Variants in ZNF704 observed in about 807,000 individuals in gnomAD.
ZNF704 encodes the protein glucocorticoid induced gene 1.
Under a neutral mutation model 44.7 loss-of-function variants are expected in ZNF704, and 10 were observed. The ratio of observed to expected loss-of-function variants is 0.22; its 90% CI spans 0.14 to 0.38. The LOEUF is 0.38. ZNF704 is among the 10% of genes least tolerant of loss of function. ZNF704 has a pLI of 1.00. For missense variants in ZNF704, 390 were observed against 545.5 expected, an observed-to-expected ratio of 0.71 and a Z score of 2.84; for synonymous variants, 211 against 207.6, an observed-to-expected ratio of 1.02 and a Z score of -0.14.
At chr8:80,713,118 A>G (rs1426011070) in intron 2 of ZNF704, among the ~76,000 whole-genome samples, 1 of 152,118 alleles carries the variant, frequency 6.6e-6, no homozygotes, top group African/African-American at 2.4e-5. Flanking sequence ...GCTGGTCTCC[A>G]ACTCCTGATC....
Position 80,641,065 on chromosome 8 carries a change from A to C in ZNF704, c.*301T>G, listed in dbSNP as rs1282903954. The stretch of plus-strand genomic sequence containing the variant: ...TGGGCTTTGTTGGTTCAATTGCTAC[A>C]GAAGTCCACAGTTTTAAGTCTAGAC... On this transcript the variant is annotated 3_prime_UTR_variant, in exon 9 of 9. Coordinates refer to ENST00000327835, the MANE Select transcript of ZNF704 (RefSeq NM_001033723.3). The C allele has an allele frequency of 5.0e-6, 1 of 201,318 alleles. No homozygotes were observed. The highest frequency in any genetic ancestry group is 1.0e-5 in the Non-Finnish European group (1 of 100,378). The allele number at this position is 201,318 out of a possible 1,614,324, so 12.5% of individuals were successfully genotyped here.
intron 2 of ZNF704, among the ~76,000 whole-genome samples, chr8:80,739,238 G>A (rs189347925): frequency 3.3e-5 from 5 of 152,282 alleles, no homozygotes; most frequent in African/African-American, 9.6e-5. Context: ...GGAGAACCAC[G>A]ATAGTCTTTC....
At chr8:80,686,318 A>G (rs1230124713) in intron 4 of ZNF704, among the ~76,000 whole-genome samples, 2 of 152,222 alleles carry the variant, frequency 1.3e-5, no homozygotes, top group African/African-American at 4.8e-5. Context: ...GGGAGGATTA[A>G]ACAAATGTGT....
chr8:80,707,663 T>C lies in ZNF704; in HGVS notation c.222-14556A>G, dbSNP rs113218940. Among the ~76,000 whole-genome samples, 289 of 152,346 alleles carry C rather than the reference T, an allele frequency of 1.9e-3. 1 individual carries two copies. The highest frequency in any genetic ancestry group is 6.7e-3 in the African/African-American group (278 of 41,576). ...GATATTTGTGCTAATTCAAATACTA[T>C]TTATCTTTTGTTTCACAGGTCAGAA... On this transcript the variant is annotated intron_variant, in intron 2 of 8. Coordinates refer to ENST00000327835, the MANE Select transcript of ZNF704 (RefSeq NM_001033723.3).
At position 80,629,331 on chromosome 8, in the gene ZNF704, T is replaced by C. The variant is rs1013281520; in HGVS notation, c.*12035A>G. 6.6e-6 allele frequency: 1 copy of C among 152,158 alleles called. No individual in the cohort carries two copies. The highest frequency in any genetic ancestry group is 6.5e-5 in the Admixed American group (1 of 15,274). The allele number at this position is 152,158 out of a possible 1,614,324, so 9.4% of individuals were successfully genotyped here. The stretch of plus-strand genomic sequence containing the variant: ...CTAAAAATCATATAAAAAGACACAA[T>C]GCCCCTTCCCCAATAACTTCTAATT... On this transcript the variant is annotated 3_prime_UTR_variant, in exon 9 of 9. Transcript: ENST00000327835.
At chr8:80,649,734 G>C (rs1817886192) in intron 7 of ZNF704, among the ~76,000 whole-genome samples, 3 of 152,222 alleles carry the variant, frequency 2.0e-5, no homozygotes, top group African/African-American at 7.2e-5. Context: ...TCCACCTCTG[G>C]GGGCAGGGCA....
At chr8:80,854,179 C>T (rs1808919465) in intron 1 of ZNF704, among the ~76,000 whole-genome samples, 1 of 152,154 alleles carries the variant, frequency 6.6e-6, no homozygotes, top group Admixed American at 6.5e-5. Context: ...ACTGTAAAAA[C>T]ACAAGACATA....
intron 1 of ZNF704, among the ~76,000 whole-genome samples, chr8:80,847,295 AAAATTAC>A (rs1172482034): frequency 6.6e-6 from 1 of 152,246 alleles, no homozygotes. Flanking sequence ...CTACATCCTG[AAAATTAC>A]AAATTGTTGG....
At chr8:80,879,612 G>T (rs1809400130), upstream of ZNF704, among the ~76,000 whole-genome samples, 1 of 152,066 alleles carries the variant, frequency 6.6e-6, no homozygotes, top group East Asian at 1.9e-4. Flanking sequence ...AATTTCATGA[G>T]CCTTCCCTGC....
chr8:80,785,353 G>C (rs1807596696), intron 2 of ZNF704, among the ~76,000 whole-genome samples: 1 of 152,092 alleles, frequency 6.6e-6, no homozygotes, highest in Non-Finnish European at 1.5e-5. Context: ...TTTCTCCACT[G>C]TATTTACTCT....
intron 4 of ZNF704, 33 bp downstream of exon 4, chr8:80,687,193 T>G: frequency 1.1e-5 from 18 of 1,585,092 alleles, no homozygotes; most frequent in Non-Finnish European, 1.6e-5. Context: ...TTCAGGAAAC[T>G]GAATGCAGAA....
chr8:80,788,514 G>A (rs1807651442), intron 2 of ZNF704, among the ~76,000 whole-genome samples: 1 of 152,206 alleles, frequency 6.6e-6, no homozygotes, highest in African/African-American at 2.4e-5. Context: ...GGAAGGCATA[G>A]GGGTAGAATT....
chr8:80,646,832 G>C (rs1317222927), intron 7 of ZNF704, among the ~76,000 whole-genome samples: 1 of 152,036 alleles, frequency 6.6e-6, no homozygotes, highest in Admixed American at 6.6e-5. Flanking sequence ...TAAATTATCA[G>C]GAAAATAAAC....
At chr8:80,760,674 A>C (rs975462806) in intron 2 of ZNF704, among the ~76,000 whole-genome samples, 6 of 147,486 alleles carry the variant, frequency 4.1e-5, no homozygotes, top group African/African-American at 1.3e-4. Context: ...AAAAAAAAAA[A>C]CCAAAAAACA....
chr8:80,643,463 G>A (rs1327358795), intron 7 of ZNF704, among the ~76,000 whole-genome samples: 1 of 144,448 alleles, frequency 6.9e-6, no homozygotes, highest in Non-Finnish European at 1.5e-5. Context: ...GTTGCAGTGA[G>A]CTGAGATTGT....
In ZNF704 at chr8:80,632,440, C is replaced by T. The variant is rs1159868817; in HGVS notation, c.*8926G>A. On this transcript the variant is annotated 3_prime_UTR_variant, in exon 9 of 9. Transcript: ENST00000327835. ...TACTGACCTCAAGTGATCCATCTGC[C>T]TTGGACTCCCAAAGTGCTGGGATTA... 6.6e-6 allele frequency: 1 copy of T among 152,214 alleles called. No individual in the cohort carries two copies. The highest frequency in any genetic ancestry group is 1.5e-5 in the Non-Finnish European group (1 of 68,054). 9.4% of individuals were successfully genotyped at this position (152,214 alleles called of 1,614,324 possible). A position where few individuals can be genotyped will look rare whatever the true frequency, so the allele number is the denominator to read the frequency against.
chr8:80,743,447 A>T (rs1806796526), intron 2 of ZNF704, among the ~76,000 whole-genome samples: 1 of 152,214 alleles, frequency 6.6e-6, no homozygotes, highest in Non-Finnish European at 1.5e-5. Flanking sequence ...GTGGGTAAAC[A>T]TCTCCACATG....
chr8:80,874,819 G>C, upstream of ZNF704: 1 of 152,212 alleles, frequency 6.6e-6, no homozygotes, highest in East Asian at 1.9e-4. The surrounding 1 kb of genome is among the most constrained non-coding windows in gnomAD (Gnocchi z 4.4). Context: ...GGTTTGGGAT[G>C]AATTCCTAAT....
chr8:80,728,436 T>C (rs1806521285), intron 2 of ZNF704, among the ~76,000 whole-genome samples: 1 of 152,344 alleles, frequency 6.6e-6, no homozygotes, highest in South Asian at 2.1e-4. Flanking sequence ...AAACCTAGAA[T>C]ATCTTCCACG....
Sources: gnomAD v4.1 joint callset for allele counts (sites outside exome capture counted in the v4.1 genomes callset) on GRCh38, gnomAD v4.1.1 for gene constraint, Gnocchi (gnomAD v3.1) non-coding constraint, MANE v1.5 for transcripts, NCBI Gene and HGNC (gene_info 2026-07-23, HGNC 2026-07-21) for gene names.